MAP7: variants seen among roughly 807,000 people sequenced by gnomAD.
MAP7 encodes the protein microtubule associated protein 7.
In MAP7, 52 loss-of-function variants were observed where a neutral mutation model predicts 94.8. That is an observed-to-expected ratio of 0.55 (90% CI 0.44 to 0.69). MAP7 has a LOEUF of 0.69. Ranked by LOEUF, MAP7 falls within the 30% of genes least tolerant of loss-of-function variation. The pLI is 0.00. For synonymous variants in MAP7, 350 were observed against 357.0 expected, an observed-to-expected ratio of 0.98 and a Z score of 0.22; for missense variants, 940 against 964.6, an observed-to-expected ratio of 0.97 and a Z score of 0.34.
At chr6:136,493,121 CTT>C (rs397795796) in intron 1 of MAP7, among the ~76,000 whole-genome samples, 58 of 123,314 alleles carry the variant, frequency 4.7e-4, no homozygotes, top group African/African-American at 1.8e-3. Context: ...TTCTTCTTTC[CTT>C]TTTTTTTTTT....
In MAP7 at chr6:136,359,832, T is replaced by C. The variant is rs1479311956; in HGVS notation, c.1900A>G (p.Thr634Ala). ...TTGACAGAAATACCTGTTCCTCCAG[T>C]GAGAGCTCCCTTGGCTATATCACCG... ...RNGDIAKGAL[T>A]GGTEVSALPC... Residue 634 changes from threonine (T) to alanine (A), a missense_variant, in exon 15 of 18, where the codon ACT becomes GCT. Coordinates refer to ENST00000354570, the MANE Select transcript of MAP7 (RefSeq NM_003980.6). 2.5e-6 allele frequency: 4 copies of C among 1,612,878 alleles called. No individual in the cohort carries two copies. Among genetic ancestry groups the C allele is most frequent in the Non-Finnish European group, 2.5e-6 (3 of 1,179,894 alleles).
rs183643643 is a variant in MAP7, at chr6:136,412,677, C to T, written c.167-980G>A. On this transcript the variant is annotated intron_variant, in intron 2 of 17. Transcript: ENST00000354570. ...ACTGGAACAGAGTGAGATGAGTAAG[C>T]GACGGGGCTCATGGTTAAGGTGAGG... Among the ~76,000 whole-genome samples, 156 of 152,130 alleles carry T rather than the reference C, an allele frequency of 1.0e-3. 1 individual carries two copies. Among genetic ancestry groups the T allele is most frequent in the African/African-American group, 3.6e-3 (150 of 41,494 alleles).
In MAP7 at chr6:136,366,169, G is replaced by A; in HGVS notation, c.990-151C>T. On this transcript the variant is annotated intron_variant, in intron 9 of 17. Transcript: ENST00000354570. ...AGATACAGAAATAGAGTTGCTTTAG[G>A]GAACCATTCCAATTTCTCTTTTTTC... is the stretch of plus-strand genomic sequence containing the variant. 3 of 1,066,830 alleles carry A rather than the reference G, an allele frequency of 2.8e-6. No homozygotes were observed. In the South Asian group the frequency reaches 4.9e-5, roughly 17 times the overall value. 66.1% of individuals were successfully genotyped at this position (1,066,830 alleles called of 1,614,324 possible).
intron 1 of MAP7, among the ~76,000 whole-genome samples, chr6:136,470,669 T>C (rs1055975163): frequency 2.0e-5 from 3 of 152,088 alleles, no homozygotes; most frequent in Non-Finnish European, 2.9e-5. Context: ...CCACAAAGAA[T>C]TGTGTCCTTC....
chr6:136,353,833 G>A (rs1253219763), intron 16 of MAP7, among the ~76,000 whole-genome samples: 2 of 152,110 alleles, frequency 1.3e-5, no homozygotes, highest in African/African-American at 2.4e-5. Flanking sequence ...GATTACAGGC[G>A]TAAGCCACCA....
chr6:136,510,834 GAA>G (rs1823048104), intron 1 of MAP7, among the ~76,000 whole-genome samples: 1 of 152,046 alleles, frequency 6.6e-6, no homozygotes. Flanking sequence ...GGTACCATCT[GAA>G]GTTTCAGGCA....
intron 5 of MAP7, among the ~76,000 whole-genome samples, chr6:136,386,286 T>C (rs1582752162): frequency 6.6e-6 from 1 of 152,214 alleles, no homozygotes; most frequent in Non-Finnish European, 1.5e-5. Context: ...TTTTCTGGTC[T>C]TTGAGAACTT....
At chr6:136,424,607 T>C (rs1792573344) in intron 1 of MAP7, among the ~76,000 whole-genome samples, 1 of 152,242 alleles carries the variant, frequency 6.6e-6, no homozygotes, top group African/African-American at 2.4e-5. Context: ...TGCTGCAATG[T>C]GCCTGTGCAA....
At chr6:136,453,806 T>A (rs3799429) in intron 1 of MAP7, among the ~76,000 whole-genome samples, 2,425 of 152,316 alleles carry the variant, frequency 0.016, 86 homozygotes, top group East Asian at 0.14. Flanking sequence ...AACTTTTATT[T>A]AAAAAGCAAC....
chr6:136,356,380 G>A (rs1790939378), intron 16 of MAP7, among the ~76,000 whole-genome samples: 1 of 151,972 alleles, frequency 6.6e-6, no homozygotes, highest in South Asian at 2.1e-4. Context: ...TGCCCAGGCT[G>A]GTCTAGAACT....
At chr6:136,353,014 C>T (rs1440203703) in intron 16 of MAP7, among the ~76,000 whole-genome samples, 6 of 152,208 alleles carry the variant, frequency 3.9e-5, no homozygotes, top group South Asian at 2.1e-4. Flanking sequence ...CTACATATCA[C>T]AAACTGTGTG....
At chr6:136,495,701 A>C (rs1054065296) in intron 1 of MAP7, among the ~76,000 whole-genome samples, 3 of 152,148 alleles carry the variant, frequency 2.0e-5, no homozygotes, top group African/African-American at 7.2e-5. Flanking sequence ...TTTTCTCTAC[A>C]GGGGTTTCTA....
chr6:136,536,739 C>T (rs1218548006), intron 1 of MAP7, among the ~76,000 whole-genome samples: 4 of 152,096 alleles, frequency 2.6e-5, no homozygotes, highest in African/African-American at 9.7e-5. Flanking sequence ...GGAAAAAGAC[C>T]GTGTTTACTA....
chr6:136,347,657 C>T (rs1329349438), intron 16 of MAP7, among the ~76,000 whole-genome samples: 1 of 152,148 alleles, frequency 6.6e-6, no homozygotes, highest in Non-Finnish European at 1.5e-5. Flanking sequence ...CTGCCCCCAT[C>T]GGCCTCCCAA....
intron 1 of MAP7, among the ~76,000 whole-genome samples, chr6:136,456,080 T>G (rs1176091534): frequency 6.6e-6 from 1 of 152,176 alleles, no homozygotes; most frequent in East Asian, 1.9e-4. Context: ...AAGACAGTAT[T>G]TAAGCTCAAA....
At chr6:136,378,323 G>A (rs1003860721) in intron 6 of MAP7, among the ~76,000 whole-genome samples, 1 of 152,166 alleles carries the variant, frequency 6.6e-6, no homozygotes, top group Admixed American at 6.5e-5. Context: ...GTTAATGAAA[G>A]ACGAGTTAAA....
At chr6:136,402,314 T>A (rs1784320464) in intron 3 of MAP7, among the ~76,000 whole-genome samples, 1 of 152,224 alleles carries the variant, frequency 6.6e-6, no homozygotes, top group South Asian at 2.1e-4. Flanking sequence ...CTTGAATAAA[T>A]GAACTAAAGA....
chr6:136,495,127 C>A (rs1817799987), intron 1 of MAP7, among the ~76,000 whole-genome samples: 1 of 152,140 alleles, frequency 6.6e-6, no homozygotes, highest in Non-Finnish European at 1.5e-5. Flanking sequence ...TACCTATAGC[C>A]AGCACCTTCT....
chr6:136,440,420 G>C (rs1797502483), intron 1 of MAP7, among the ~76,000 whole-genome samples: 1 of 152,132 alleles, frequency 6.6e-6, no homozygotes, highest in South Asian at 2.1e-4. Context: ...GTGGGTGGGA[G>C]GCACTCCTTG....
Sources: allele counts gnomAD v4.1 joint callset (sites outside exome capture counted in the v4.1 genomes callset), GRCh38; gene constraint gnomAD v4.1.1; transcripts MANE v1.5; gene names NCBI Gene and HGNC (gene_info 2026-07-23, HGNC 2026-07-21).